ATXN1: variants seen among roughly 807,000 people sequenced by gnomAD.
ATXN1 encodes ataxin 1.
ATXN1 carries 8 observed loss-of-function variants against 56.4 expected under a neutral mutation model. That is an observed-to-expected ratio of 0.14 (90% confidence interval 0.08 to 0.26). The LOEUF (loss-of-function observed/expected upper bound fraction) is 0.26, where lower values mean the gene tolerates loss of function less well. Among genes scored for constraint, ATXN1 ranks in the 10% least tolerant of loss-of-function variants. The pLI, the probability that ATXN1 is intolerant of heterozygous loss-of-function variation, is 1.00. For missense variants in ATXN1, 987 were observed against 1,106.5 expected (o/e 0.89, Z 1.53); for synonymous variants, 514 against 494.6 (o/e 1.04, Z -0.52).
chr6:16,550,255 T>C (rs1172732476), intron 4 of ATXN1, among the ~76,000 whole-genome samples: 2 of 151,994 alleles, frequency 1.3e-5, no homozygotes, highest in Non-Finnish European at 2.9e-5. Flanking sequence ...CCCTCTTGCC[T>C]TCCCTCCTGC....
intron 2 of ATXN1, among the ~76,000 whole-genome samples, chr6:16,724,901 G>C (rs1759817199): frequency 6.6e-6 from 1 of 152,138 alleles, no homozygotes. Flanking sequence ...AGGGCTGTGA[G>C]GATCCCGCCA....
chr6:16,491,090 ATTTTT>A (rs35884389), intron 5 of ATXN1, among the ~76,000 whole-genome samples: 2 of 78,310 alleles, frequency 2.6e-5, no homozygotes, highest in African/African-American at 5.2e-5. Flanking sequence ...GGATCCCTGG[ATTTTT>A]TTTTTTTTTT....
chr6:16,324,880 T>C (rs1203560727), intron 7 of ATXN1, among the ~76,000 whole-genome samples: 2 of 152,200 alleles, frequency 1.3e-5, no homozygotes, highest in Non-Finnish European at 1.5e-5. Context: ...ACTTCTCAGA[T>C]TGTATTAACC....
intron 6 of ATXN1, among the ~76,000 whole-genome samples, chr6:16,337,392 G>A (rs1761147897): frequency 6.6e-6 from 1 of 152,218 alleles, no homozygotes. Flanking sequence ...GAAGGAGGAG[G>A]GGCGGGGCCA....
intron 3 of ATXN1, among the ~76,000 whole-genome samples, chr6:16,622,527 T>G (rs192080172): frequency 1.3e-5 from 2 of 152,362 alleles, no homozygotes; most frequent in African/African-American, 4.8e-5. Context: ...TTGACTAATT[T>G]TCATTTATTA....
intron 4 of ATXN1, among the ~76,000 whole-genome samples, chr6:16,549,200 A>T (rs1227829438): frequency 6.6e-6 from 1 of 152,054 alleles, no homozygotes; most frequent in East Asian, 1.9e-4. Flanking sequence ...TAAAACAATG[A>T]TCAAAAGTAT....
intron 4 of ATXN1, among the ~76,000 whole-genome samples, chr6:16,541,850 T>C (rs1473891461): frequency 6.6e-6 from 1 of 152,180 alleles, no homozygotes; most frequent in Non-Finnish European, 1.5e-5. Flanking sequence ...AGCTACGCAG[T>C]GGCACAACTA....
At chr6:16,647,959 C>CCAAGG (rs1763829547) in intron 3 of ATXN1, among the ~76,000 whole-genome samples, 1 of 152,092 alleles carries the variant, frequency 6.6e-6, no homozygotes, top group Non-Finnish European at 1.5e-5. Context: ...GCCTGTAATC[C>CCAAGG]CAGCTACTTG....
chr6:16,505,697 C>T (rs750905524), intron 5 of ATXN1, among the ~76,000 whole-genome samples: 9 of 152,090 alleles, frequency 5.9e-5, no homozygotes, highest in East Asian at 3.9e-4. Context: ...CATCACTGAC[C>T]CGTGTACACG....
At chr6:16,620,964 T>C (rs1241349641) in intron 3 of ATXN1, among the ~76,000 whole-genome samples, 1 of 152,246 alleles carries the variant, frequency 6.6e-6, no homozygotes, top group Non-Finnish European at 1.5e-5. Flanking sequence ...TTAGTTGTTT[T>C]ATTTCAACTC....
intron 6 of ATXN1, among the ~76,000 whole-genome samples, chr6:16,382,117 G>A (rs1189831666): frequency 2.0e-5 from 3 of 152,152 alleles, no homozygotes; most frequent in Non-Finnish European, 4.4e-5. Flanking sequence ...GCCAAGGCAG[G>A]AGGATCCCTT....
At chr6:16,719,008 C>T (rs1446853933) in intron 2 of ATXN1, among the ~76,000 whole-genome samples, 13 of 152,164 alleles carry the variant, frequency 8.5e-5, no homozygotes, top group Admixed American at 8.5e-4. Flanking sequence ...GGGACTCTGT[C>T]TTTATTTCCC....
intron 4 of ATXN1, among the ~76,000 whole-genome samples, chr6:16,566,697 CAAA>C (rs749638304): frequency 2.7e-5 from 4 of 150,872 alleles, no homozygotes; most frequent in Admixed American, 1.3e-4. Flanking sequence ...ACTAAAAATA[CAAA>C]AAAAAATTAG....
At chr6:16,509,713 A>C (rs1761046876) in intron 5 of ATXN1, among the ~76,000 whole-genome samples, 1 of 152,062 alleles carries the variant, frequency 6.6e-6, no homozygotes, top group Non-Finnish European at 1.5e-5. Context: ...GAATCTTTCT[A>C]AACTGCAGTT....
At chr6:16,751,609 T>TG (rs1281376915) in intron 2 of ATXN1, among the ~76,000 whole-genome samples, 2 of 150,694 alleles carry the variant, frequency 1.3e-5, no homozygotes, top group Non-Finnish European at 3.0e-5. Context: ...AAACCACACA[T>TG]GCATCCCATC....
intron 3 of ATXN1, among the ~76,000 whole-genome samples, chr6:16,602,945 T>C (rs1161293959): frequency 6.6e-6 from 1 of 152,156 alleles, no homozygotes; most frequent in Non-Finnish European, 1.5e-5. Context: ...GGAATTATCA[T>C]AATATAATGT....
intron 2 of ATXN1, among the ~76,000 whole-genome samples, chr6:16,736,072 A>G (rs1380123716): frequency 1.3e-5 from 2 of 152,216 alleles, no homozygotes; most frequent in African/African-American, 4.8e-5. Context: ...AAATACTCAA[A>G]CTGTTATTGA....
chr6:16,642,156 G>A, intron 3 of ATXN1, among the ~76,000 whole-genome samples: 1 of 152,170 alleles, frequency 6.6e-6, no homozygotes, highest in East Asian at 1.9e-4. Context: ...GGGAGGCCGA[G>A]GCAGGGGAAT....
intron 6 of ATXN1, among the ~76,000 whole-genome samples, chr6:16,450,046 C>T (rs1035132140): frequency 7.2e-5 from 11 of 152,104 alleles, no homozygotes; most frequent in Non-Finnish European, 1.2e-4. Context: ...TTCCTTTATT[C>T]GTTTCATATG....
Sources: allele counts gnomAD v4.1 joint callset (sites outside exome capture counted in the v4.1 genomes callset), GRCh38; gene constraint gnomAD v4.1.1; transcripts MANE v1.5; gene names NCBI Gene and HGNC (gene_info 2026-07-23, HGNC 2026-07-21).